Variants in TRPM3 observed in about 807,000 individuals in gnomAD.
TRPM3 encodes the protein transient receptor potential cation channel subfamily M member 3.
Under a neutral mutation model 181.2 loss-of-function variants are expected in TRPM3, and 77 were observed. The ratio of observed to expected loss-of-function variants is 0.42; its 90% CI spans 0.35 to 0.51. The LOEUF is 0.51. TRPM3 is among the 20% of genes least tolerant of loss of function. TRPM3 has a pLI of 0.01. For missense variants in TRPM3, 1,759 were observed against 2,196.7 expected (o/e 0.80, Z 3.98); for synonymous variants, 745 against 796.4 (o/e 0.94, Z 1.09).
intron 9 of TRPM3, among the ~76,000 whole-genome samples, chr9:70,665,476 C>T (rs1249188271): frequency 1.3e-5 from 2 of 152,148 alleles, no homozygotes; most frequent in Non-Finnish European, 2.9e-5. Context: ...CATTGGAAAG[C>T]ACCAGGGTAT....
At chr9:70,895,084 A>G (rs1173628716) in intron 1 of TRPM3, among the ~76,000 whole-genome samples, 1 of 152,194 alleles carries the variant, frequency 6.6e-6, no homozygotes, top group African/African-American at 2.4e-5. Flanking sequence ...TTGTACATGA[A>G]GGCACTTTGC....
intron 1 of TRPM3, among the ~76,000 whole-genome samples, chr9:71,392,981 T>C (rs1292480743): frequency 1.3e-5 from 2 of 152,188 alleles, no homozygotes. Flanking sequence ...ATCTAAGTCA[T>C]ACTTATGGGC....
At chr9:71,394,835 C>A (rs1438690122) in intron 1 of TRPM3, among the ~76,000 whole-genome samples, 3 of 152,208 alleles carry the variant, frequency 2.0e-5, no homozygotes, top group African/African-American at 7.2e-5. Context: ...AATATACAAA[C>A]CTTCACCTCC....
intron 1 of TRPM3, among the ~76,000 whole-genome samples, chr9:71,428,967 A>G (rs77704216): frequency 5.6e-4 from 78 of 140,058 alleles, no homozygotes; most frequent in Non-Finnish European, 5.3e-4. Context: ...AAAAAAAAAA[A>G]GGAAACAGGC....
At position 71,012,244 on chromosome 9, in the gene TRPM3, T is replaced by A. The variant is rs185629391; in HGVS notation, c.177+108934A>T. On this transcript the variant is annotated intron_variant, in intron 1 of 25. Transcript: ENST00000677713. ...CCAACATAACTTATTAAAAAGGTCATTTTTAGAGATTAGAGATATTCCAAT... is the reference window on the plus strand; with the variant it reads ...CCAACATAACTTATTAAAAAGGTCAATTTTAGAGATTAGAGATATTCCAAT... Among the ~76,000 whole-genome samples the A allele has an allele frequency of 4.6e-5, 7 of 152,286 alleles. No individual in the cohort carries two copies. In the East Asian group the frequency reaches 1.3e-3, roughly 29 times the overall value.
At chr9:71,119,751 T>C (rs1037861341) in intron 1 of TRPM3, among the ~76,000 whole-genome samples, 4 of 152,212 alleles carry the variant, frequency 2.6e-5, no homozygotes, top group Admixed American at 2.6e-4. Flanking sequence ...GATTCACTAG[T>C]GATTCTGGAG....
chr9:70,545,586 G>A (rs542927037), intron 25 of TRPM3, among the ~76,000 whole-genome samples: 60 of 114,494 alleles, frequency 5.2e-4, no homozygotes, highest in African/African-American at 1.8e-3. Flanking sequence ...TCGCTCTGTC[G>A]TCCAGGCTAG....
intron 22 of TRPM3, among the ~76,000 whole-genome samples, chr9:70,580,988 C>T (rs1434645472): frequency 1.3e-5 from 2 of 152,196 alleles, no homozygotes; most frequent in Non-Finnish European, 2.9e-5. Context: ...GAGCCTGGCA[C>T]TTGAAGTGCT....
chr9:71,144,464 A>G (rs989583511), intron 1 of TRPM3, among the ~76,000 whole-genome samples: 1 of 152,104 alleles, frequency 6.6e-6, no homozygotes, highest in African/African-American at 2.4e-5. Context: ...GACTGTTCTT[A>G]AGAATTGTTA....
chr9:70,618,564 G>A (rs1468727485), intron 17 of TRPM3, among the ~76,000 whole-genome samples: 2 of 152,236 alleles, frequency 1.3e-5, no homozygotes, highest in African/African-American at 2.4e-5. Flanking sequence ...GGCTTTGCTT[G>A]TGCAAATGGC....
At chr9:71,111,033 G>C (rs939685484) in intron 1 of TRPM3, among the ~76,000 whole-genome samples, 4 of 152,072 alleles carry the variant, frequency 2.6e-5, no homozygotes, top group Non-Finnish European at 4.4e-5. Flanking sequence ...CATTTCACTG[G>C]ATAACCATCA....
chr9:71,292,225 T>C (rs552472463), intron 1 of TRPM3, among the ~76,000 whole-genome samples: 1 of 152,088 alleles, frequency 6.6e-6, no homozygotes, highest in African/African-American at 2.4e-5. Flanking sequence ...AGATAATGCA[T>C]ACACACATAC....
At chr9:71,276,730 C>T (rs2084242191) in intron 1 of TRPM3, among the ~76,000 whole-genome samples, 1 of 152,134 alleles carries the variant, frequency 6.6e-6, no homozygotes, top group South Asian at 2.1e-4. Flanking sequence ...AGTAAAACTT[C>T]TTTGGAAATC....
intron 8 of TRPM3, among the ~76,000 whole-genome samples, chr9:70,752,670 T>C (rs1424747816): frequency 6.6e-6 from 1 of 152,236 alleles, no homozygotes; most frequent in Non-Finnish European, 1.5e-5. Flanking sequence ...TAGATATGTT[T>C]AGATACACAA....
At chr9:71,058,729 T>C (rs143368553) in intron 1 of TRPM3, among the ~76,000 whole-genome samples, 611 of 152,156 alleles carry the variant, frequency 4.0e-3, no homozygotes, top group African/African-American at 0.014. Context: ...AGTCCCTATA[T>C]AGCAAACTGT....
chr9:70,752,593 G>T (rs2076382345), intron 8 of TRPM3, among the ~76,000 whole-genome samples: 1 of 152,162 alleles, frequency 6.6e-6, no homozygotes, highest in South Asian at 2.1e-4. Context: ...AGTCAATGAT[G>T]TATTGTGTAT....
chr9:70,568,884 T>C (rs2051378474), intron 22 of TRPM3, among the ~76,000 whole-genome samples: 1 of 152,238 alleles, frequency 6.6e-6, no homozygotes, highest in Non-Finnish European at 1.5e-5. Context: ...AATCTTTCCA[T>C]GTTATAAAGA....
chr9:70,574,184 T>TA (rs1455775024), intron 22 of TRPM3, among the ~76,000 whole-genome samples: 2 of 152,108 alleles, frequency 1.3e-5, no homozygotes. Context: ...CTTCACTTCT[T>TA]AGTTTTCCCA....
intron 9 of TRPM3, among the ~76,000 whole-genome samples, chr9:70,669,747 C>CTT (rs71367212): frequency 4.3e-5 from 6 of 138,406 alleles, no homozygotes; most frequent in Non-Finnish European, 6.2e-5. Context: ...TCTTTCTTTT[C>CTT]TTTTTTTTTT....
Sources: allele counts gnomAD v4.1 joint callset (sites outside exome capture counted in the v4.1 genomes callset), GRCh38; gene constraint gnomAD v4.1.1; transcripts MANE v1.5; gene names NCBI Gene and HGNC (gene_info 2026-07-23, HGNC 2026-07-21).